Variants in MTFMT observed in about 807,000 individuals in gnomAD.
MTFMT encodes mitochondrial methionyl-tRNA formyltransferase.
Under a neutral mutation model 51.8 loss-of-function variants are expected in MTFMT, and 47 were observed. The ratio of observed to expected loss-of-function variants is 0.91; its 90% CI spans 0.72 to 1.16. The LOEUF is 1.16. Among genes scored for constraint, MTFMT ranks in the 50% most tolerant of loss-of-function variants. The pLI is 0.00. For missense variants in MTFMT, 512 were observed against 482.3 expected (o/e 1.06, Z -0.58); for synonymous variants, 196 against 176.7 (o/e 1.11, Z -0.87).
At chr15:65,027,120 T>G in intron 1 of MTFMT, 80 bp from the exon 2 acceptor site, 2 of 974,036 alleles carry the variant, frequency 2.1e-6, no homozygotes, top group Non-Finnish European at 3.2e-6. Context: ...TCGCTAAGTA[T>G]GTTTATGATT....
chr15:65,008,611 C>T (rs758573393), intron 6 of MTFMT, among the ~76,000 whole-genome samples: 26 of 152,102 alleles, frequency 1.7e-4, no homozygotes, highest in Non-Finnish European at 3.1e-4. Flanking sequence ...TTATGACACC[C>T]CTTAAAGAGG....
intron 5 of MTFMT, among the ~76,000 whole-genome samples, chr15:65,016,844 G>A (rs1401655657): frequency 6.7e-6 from 1 of 149,670 alleles, no homozygotes; most frequent in African/African-American, 2.5e-5. Context: ...GCAGTGGCGT[G>A]ATCTCAGCTC....
intron 6 of MTFMT, among the ~76,000 whole-genome samples, chr15:65,012,074 C>G (rs922676272): frequency 1.4e-5 from 2 of 138,810 alleles, no homozygotes; most frequent in African/African-American, 5.4e-5. Flanking sequence ...GTTATCCCAG[C>G]TCCATTTATT....
At chr15:65,017,453 C>T (rs1315907399) in intron 5 of MTFMT, among the ~76,000 whole-genome samples, 1 of 152,060 alleles carries the variant, frequency 6.6e-6, no homozygotes, top group Non-Finnish European at 1.5e-5. Flanking sequence ...GGAAACAACC[C>T]AAATGCCCAT....
chr15:65,008,823 C>T (rs530660621), intron 6 of MTFMT, among the ~76,000 whole-genome samples: 8 of 152,014 alleles, frequency 5.3e-5, no homozygotes, highest in Non-Finnish European at 1.0e-4. Flanking sequence ...TTAAATAACT[C>T]AAAATATTTT....
intron 5 of MTFMT, among the ~76,000 whole-genome samples, chr15:65,017,061 C>A: frequency 6.7e-6 from 1 of 149,236 alleles, no homozygotes. Context: ...GGATTAGATG[C>A]ATGAGCTACC....
chr15:65,017,830 C>T (rs117715938), intron 5 of MTFMT, among the ~76,000 whole-genome samples: 1 of 151,738 alleles, frequency 6.6e-6, no homozygotes, highest in African/African-American at 2.4e-5. Context: ...TCTCTTCTTA[C>T]TAATAGGAAG....
At chr15:65,007,958 C>A (rs1335806304) in intron 6 of MTFMT, among the ~76,000 whole-genome samples, 2 of 151,944 alleles carry the variant, frequency 1.3e-5, no homozygotes, top group African/African-American at 4.8e-5. Context: ...TAAGTCTTTT[C>A]TCTCATTACT....
At position 65,026,458 on chromosome 15, in the gene MTFMT, C is replaced by A. The variant is rs2946656; in HGVS notation, c.419+373G>T. 2,112 of 261,064 alleles carry A rather than the reference C, an allele frequency of 8.1e-3. 41 individuals carry two copies. Among genetic ancestry groups the A allele is most frequent in the African/African-American group, 0.046 (2,036 of 44,078 alleles). 16.2% of individuals were successfully genotyped at this position (261,064 alleles called of 1,614,324 possible). On this transcript the variant is annotated intron_variant, in intron 2 of 8. Coordinates refer to ENST00000220058, the MANE Select transcript of MTFMT (RefSeq NM_139242.4). ...TCTATACCCTCTTTTCTTGTCTATA[C>A]CTGTGACTGGAGGCCTAGCAGCCTG...
chr15:65,010,919 T>G (rs1315256275), intron 6 of MTFMT, among the ~76,000 whole-genome samples: 1 of 152,212 alleles, frequency 6.6e-6, no homozygotes, highest in East Asian at 1.9e-4. Flanking sequence ...CTAATGGGTG[T>G]GAAGTGGTAT....
intron 5 of MTFMT, 29 bp downstream of exon 5, chr15:65,020,168 A>G: frequency 6.3e-7 from 1 of 1,589,640 alleles, no homozygotes; most frequent in Non-Finnish European, 8.6e-7. Context: ...ACCTTTAGAA[A>G]GATGAGAGTC....
rs560701931 is a variant in MTFMT, at chr15:65,006,298, T to C, written c.814-107A>G. 65 of 785,408 alleles carry C rather than the reference T, an allele frequency of 8.3e-5. No homozygotes were observed. The African/African-American group carries it at 9.1e-4, about 11-fold the overall frequency. The allele number at this position is 785,408 out of a possible 1,614,324, so 48.7% of individuals were successfully genotyped here. On this transcript the variant is annotated intron_variant, in intron 6 of 8. Coordinates refer to ENST00000220058, the MANE Select transcript of MTFMT (RefSeq NM_139242.4). ...TGGACTTTTCTTTCAATTAGAGGAA[T>C]TGGGAACTCAGTCACTAAGTTTGAT...
chr15:65,009,046 C>T (rs1404268616), intron 6 of MTFMT, among the ~76,000 whole-genome samples: 4 of 152,116 alleles, frequency 2.6e-5, no homozygotes, highest in African/African-American at 9.7e-5. Flanking sequence ...TTTACATTCA[C>T]CTAGTTCATT....
chr15:65,014,524 C>T (rs1236637971), intron 6 of MTFMT, among the ~76,000 whole-genome samples: 1 of 151,880 alleles, frequency 6.6e-6, no homozygotes, highest in Non-Finnish European at 1.5e-5. Context: ...CGGGGTTTCT[C>T]CATGTTGGTC....
At chr15:65,003,954 G>A (rs536636671) in intron 8 of MTFMT, among the ~76,000 whole-genome samples, 1 of 151,812 alleles carries the variant, frequency 6.6e-6, no homozygotes, top group South Asian at 2.1e-4. Context: ...GAGACAAAGA[G>A]AGGTTGATGG....
intron 8 of MTFMT, among the ~76,000 whole-genome samples, chr15:65,003,655 G>A (rs886174617): frequency 2.6e-5 from 4 of 151,702 alleles, no homozygotes; most frequent in Non-Finnish European, 4.4e-5. Context: ...TCAGGAATTC[G>A]TGACCAGCCT....
intron 8 of MTFMT, 136 bp downstream of exon 8, chr15:65,004,718 C>G (rs2086207556): frequency 2.1e-6 from 1 of 466,872 alleles, no homozygotes; most frequent in Non-Finnish European, 3.6e-6. Flanking sequence ...TTCACTATTT[C>G]TTAAGAAAAT....
chr15:65,011,191 G>A (rs543772940), intron 6 of MTFMT, among the ~76,000 whole-genome samples: 4 of 151,996 alleles, frequency 2.6e-5, no homozygotes, highest in Non-Finnish European at 5.9e-5. Context: ...GCGTGGTGGC[G>A]CTTGCCTATA....
chr15:65,005,257 T>G (rs1159614580), intron 7 of MTFMT, among the ~76,000 whole-genome samples: 1 of 152,204 alleles, frequency 6.6e-6, no homozygotes, highest in African/African-American at 2.4e-5. Flanking sequence ...ACATAGGATG[T>G]TTAGGATTTA....
Sources: gnomAD v4.1 joint callset for allele counts (sites outside exome capture counted in the v4.1 genomes callset) on GRCh38, gnomAD v4.1.1 for gene constraint, MANE v1.5 for transcripts, NCBI Gene and HGNC (gene_info 2026-07-23, HGNC 2026-07-21) for gene names.